TECPR2: variants seen among roughly 807,000 people sequenced by gnomAD.
TECPR2 encodes the protein tectonin beta-propeller repeat-containing protein 2.
A neutral mutation model predicts 138.1 loss-of-function variants in TECPR2; 65 were observed. The observed-to-expected ratio is 0.47, with a 90% confidence interval of 0.39 to 0.58. The LOEUF (loss-of-function observed/expected upper bound fraction) is 0.58. TECPR2 is among the 20% of genes least tolerant of loss of function. TECPR2 has a pLI of 0.00. For missense variants in TECPR2, 1,553 were observed against 1,824.5 expected (o/e 0.85, Z 2.71); for synonymous variants, 746 against 749.8 (o/e 0.99, Z 0.08).
At chr14:102,479,616 G>A (rs918612133) in intron 17 of TECPR2, among the ~76,000 whole-genome samples, 1 of 152,226 alleles carries the variant, frequency 6.6e-6, no homozygotes, top group Non-Finnish European at 1.5e-5. Context: ...TCTGTGAGAT[G>A]TGAGATTGGG....
chr14:102,463,867 T>A (rs541927628), intron 16 of TECPR2, among the ~76,000 whole-genome samples: 2 of 152,300 alleles, frequency 1.3e-5, no homozygotes, highest in East Asian at 3.9e-4. Context: ...GAGGTTGCAG[T>A]GAGCCAAGAT....
intron 10 of TECPR2, among the ~76,000 whole-genome samples, chr14:102,439,221 A>G (rs1181881615): frequency 1.3e-5 from 2 of 152,052 alleles, no homozygotes; most frequent in Non-Finnish European, 2.9e-5. Flanking sequence ...CAGTGGGGAC[A>G]CTTTTGCCTT....
At chr14:102,387,391 T>G (rs1888036379) in intron 2 of TECPR2, among the ~76,000 whole-genome samples, 1 of 152,130 alleles carries the variant, frequency 6.6e-6, no homozygotes, top group Non-Finnish European at 1.5e-5. Context: ...AATATATAGG[T>G]CTGATATGTG....
chr14:102,366,683 G>T (rs193189198), intron 1 of TECPR2, among the ~76,000 whole-genome samples: 46 of 152,326 alleles, frequency 3.0e-4, no homozygotes, highest in Admixed American at 1.6e-3. Flanking sequence ...TTGTTTTGCA[G>T]TAAGACCTGA....
chr14:102,390,013 C>A (rs1888122816), intron 2 of TECPR2, among the ~76,000 whole-genome samples: 1 of 152,166 alleles, frequency 6.6e-6, no homozygotes. Flanking sequence ...TGAATGAATT[C>A]ATATTTGGTC....
intron 2 of TECPR2, among the ~76,000 whole-genome samples, chr14:102,405,507 GA>G (rs1888635208): frequency 6.6e-6 from 1 of 151,862 alleles, no homozygotes; most frequent in South Asian, 2.1e-4. Context: ...TCAAAAAAAA[GA>G]AAAAAAGGAA....
chr14:102,429,479 T>C (rs1889410616), intron 7 of TECPR2, among the ~76,000 whole-genome samples: 1 of 152,216 alleles, frequency 6.6e-6, no homozygotes, highest in Non-Finnish European at 1.5e-5. Flanking sequence ...TTTTTGGTAA[T>C]TCATACAAGC....
chr14:102,430,726 G>T (rs1889448631), intron 7 of TECPR2, among the ~76,000 whole-genome samples: 1 of 152,206 alleles, frequency 6.6e-6, no homozygotes, highest in Non-Finnish European at 1.5e-5. Flanking sequence ...TTGGGGACAG[G>T]AGACAGGTAC....
chr14:102,478,377 G>A (rs187665303), intron 17 of TECPR2, among the ~76,000 whole-genome samples: 3 of 150,588 alleles, frequency 2.0e-5, no homozygotes, highest in South Asian at 4.4e-4. Flanking sequence ...ATATTAAAGT[G>A]TACAAAAAAA....
chr14:102,459,061 A>G (rs1436113173), intron 16 of TECPR2, among the ~76,000 whole-genome samples: 1 of 151,714 alleles, frequency 6.6e-6, no homozygotes, highest in Admixed American at 6.6e-5. Flanking sequence ...CTTTACAGGC[A>G]GAGACCAATT....
At chr14:102,477,583 C>G (rs1009581339) in intron 17 of TECPR2, among the ~76,000 whole-genome samples, 4 of 143,372 alleles carry the variant, frequency 2.8e-5, no homozygotes, top group Non-Finnish European at 6.0e-5. Context: ...CAGAATCTTG[C>G]TCTGTAGCCC....
At chr14:102,488,055 G>C (rs1441745740) in intron 17 of TECPR2, among the ~76,000 whole-genome samples, 2 of 147,784 alleles carry the variant, frequency 1.4e-5, no homozygotes, top group Admixed American at 1.4e-4. Flanking sequence ...TATTGGTCAG[G>C]CTTGTCTTGA....
chr14:102,442,887 T>G (rs1045721229), intron 11 of TECPR2, among the ~76,000 whole-genome samples: 11 of 152,230 alleles, frequency 7.2e-5, no homozygotes, highest in African/African-American at 2.7e-4. Context: ...TTGAGCTCAT[T>G]TAGACATACT....
chr14:102,441,763 G>A (rs140195180), intron 11 of TECPR2, among the ~76,000 whole-genome samples: 4 of 152,232 alleles, frequency 2.6e-5, no homozygotes, highest in Non-Finnish European at 4.4e-5. Flanking sequence ...TTTAGCTGAT[G>A]GAAGGGCACA....
chr14:102,420,868 G>A lies in TECPR2; in HGVS notation c.639-4111G>A, dbSNP rs918552712. Among the ~76,000 whole-genome samples, 7 of 152,076 alleles carry A rather than the reference G, an allele frequency of 4.6e-5. No homozygotes were observed. In the East Asian group the frequency reaches 9.6e-4, roughly 21 times the overall value. On this transcript the variant is annotated intron_variant, in intron 5 of 19. Coordinates refer to ENST00000359520, the MANE Select transcript of TECPR2 (RefSeq NM_014844.5). This position sits in a 1 kb window ranked among gnomAD's most constrained non-coding sequence, Gnocchi z 4.1. ...GAGTCCACCTGGTGTTCAGGACCTC[G>A]CCTTCTCATGCCCACTCAGATGCAC...
intron 12 of TECPR2, 96 bp from the exon 13 acceptor site, chr14:102,445,710 C>G (rs954575666): frequency 6.9e-7 from 1 of 1,454,928 alleles, no homozygotes; most frequent in Non-Finnish European, 9.2e-7. Context: ...CTTCTCCCAG[C>G]CACGCCTGCC....
At chr14:102,393,677 G>A (rs1888239150) in intron 2 of TECPR2, among the ~76,000 whole-genome samples, 1 of 152,118 alleles carries the variant, frequency 6.6e-6, no homozygotes, top group African/African-American at 2.4e-5. Context: ...TCCTGCCTCA[G>A]CCTCCCAAGT....
intron 5 of TECPR2, 126 bp downstream of exon 5, chr14:102,414,919 C>A: frequency 8.4e-7 from 1 of 1,188,362 alleles, no homozygotes; most frequent in Non-Finnish European, 1.2e-6. Context: ...GCCTCTAAGC[C>A]TGGGGTTCCT....
chr14:102,363,333 G>A (rs1409464554), intron 1 of TECPR2, among the ~76,000 whole-genome samples: 3 of 152,248 alleles, frequency 2.0e-5, no homozygotes, highest in African/African-American at 7.2e-5. Flanking sequence ...CTCGCCGCCC[G>A]CAGAATCCGG....
Sources: gnomAD v4.1 joint callset for allele counts (sites outside exome capture counted in the v4.1 genomes callset) on GRCh38, gnomAD v4.1.1 for gene constraint, Gnocchi (gnomAD v3.1) non-coding constraint, MANE v1.5 for transcripts, NCBI Gene and HGNC (gene_info 2026-07-23, HGNC 2026-07-21) for gene names.